B4GALNT3: variants seen among roughly 807,000 people sequenced by gnomAD.
B4GALNT3 encodes beta-1,4-N-acetyl-galactosaminyltransferase 3.
Under a neutral mutation model 120.2 loss-of-function variants are expected in B4GALNT3, and 86 were observed. That is an observed-to-expected ratio of 0.72 (90% confidence interval 0.60 to 0.86). The LOEUF is 0.86. Among genes scored for constraint, B4GALNT3 ranks in the 40% least tolerant of loss-of-function variants. The pLI, the probability that B4GALNT3 is intolerant of heterozygous loss-of-function variation, is 0.00. For synonymous variants in B4GALNT3, 518 were observed against 510.4 expected (o/e 1.01, Z -0.20); for missense variants, 1,167 against 1,298.9 (o/e 0.90, Z 1.56).
At chr12:525,027 C>G (rs532963008) in intron 1 of B4GALNT3, among the ~76,000 whole-genome samples, 4 of 152,308 alleles carry the variant, frequency 2.6e-5, no homozygotes, top group Non-Finnish European at 5.9e-5. Flanking sequence ...CCACCCAGGT[C>G]CCTTTTGACA....
chr12:534,056 C>T (rs1946834565), intron 1 of B4GALNT3, among the ~76,000 whole-genome samples: 3 of 152,176 alleles, frequency 2.0e-5, no homozygotes, highest in African/African-American at 7.2e-5. Flanking sequence ...AGGCTAATTC[C>T]GTCTAAGCAG....
chr12:515,615 C>G (rs540187262), intron 1 of B4GALNT3, among the ~76,000 whole-genome samples: 3 of 151,996 alleles, frequency 2.0e-5, no homozygotes, highest in Admixed American at 6.6e-5. Context: ...TCGTATTTAT[C>G]GAATATTTAC....
chr12:483,238 A>G (rs1411152366), intron 1 of B4GALNT3, among the ~76,000 whole-genome samples: 1 of 152,218 alleles, frequency 6.6e-6, no homozygotes, highest in Non-Finnish European at 1.5e-5. Flanking sequence ...ACCATCCTAT[A>G]TATTCCTTTA....
chr12:511,915 T>TCTTCCACCTTCCACCTTCCAC (rs1174200582), intron 1 of B4GALNT3, among the ~76,000 whole-genome samples: 1 of 93,862 alleles, frequency 1.1e-5, no homozygotes, highest in African/African-American at 4.7e-5. Context: ...CCTTCGACCT[T>TCTTCCACCTTCCACCTTCCAC]CTTCCACCTT....
intron 1 of B4GALNT3, among the ~76,000 whole-genome samples, chr12:466,938 G>A (rs926039476): frequency 3.9e-5 from 6 of 151,928 alleles, no homozygotes; most frequent in African/African-American, 1.5e-4. Context: ...CCTGTGTTGG[G>A]AGCACCACGA....
chr12:552,033 T>G (rs1565610193), intron 11 of B4GALNT3, 30 bp from the exon 12 acceptor site: 1 of 1,497,432 alleles, frequency 6.7e-7, no homozygotes. Flanking sequence ...CTCACTCTCT[T>G]ACTCCTGCTG....
At chr12:510,603 C>T (rs368360187) in intron 1 of B4GALNT3, among the ~76,000 whole-genome samples, 11 of 130,596 alleles carry the variant, frequency 8.4e-5, no homozygotes, top group Admixed American at 7.3e-4. Context: ...AATAAGTAAA[C>T]GGTCTGGGTA....
In B4GALNT3 at chr12:460,502, A is replaced by G; in HGVS notation, c.126A>G (p.Glu42=). The G allele has an allele frequency of 6.3e-7, 1 of 1,583,248 alleles. No individual in the cohort carries two copies. The highest frequency in any genetic ancestry group is 1.1e-5 in the South Asian group (1 of 87,076). The change falls in exon 1 of 20, where the codon GAA becomes GAG. Residue 42 remains glutamate (E), a synonymous_variant. Transcript: ENST00000266383. The surrounding 1 kb of genome is among the most constrained non-coding windows in gnomAD (Gnocchi z 8.0). ...TGGGGCTCTGGACTCTGTATCTGGA[A>G]CTGGTGGCGTCGGCCCAGGTCGGCG... ...VSVGLWTLYL[E]LVASAQVGGN... is the part of the protein sequence containing the mutation.
intron 1 of B4GALNT3, among the ~76,000 whole-genome samples, chr12:501,509 A>G (rs372773074): frequency 5.6e-4 from 85 of 152,254 alleles, no homozygotes; most frequent in Admixed American, 1.8e-3. Context: ...TGAGCCCAGG[A>G]GTTCGAGGCT....
At chr12:523,934 G>A (rs1357188842) in intron 1 of B4GALNT3, among the ~76,000 whole-genome samples, 4 of 152,132 alleles carry the variant, frequency 2.6e-5, no homozygotes, top group East Asian at 1.9e-4. Context: ...GGTGGCAGGC[G>A]CCTGTAATCC....
chr12:504,855 CT>C (rs1009485751), intron 1 of B4GALNT3, among the ~76,000 whole-genome samples: 2 of 151,922 alleles, frequency 1.3e-5, no homozygotes, highest in Non-Finnish European at 2.9e-5. Flanking sequence ...CACAAAAACC[CT>C]TGTGTGAAAA....
intron 1 of B4GALNT3, among the ~76,000 whole-genome samples, chr12:506,220 T>G (rs4980927): frequency 0.11 from 16,506 of 152,164 alleles, 1,627 homozygotes; most frequent in South Asian, 0.31. Flanking sequence ...GTGTGTTTAT[T>G]ATCAAATCAT....
In B4GALNT3 at chr12:500,519, G is replaced by T. The variant is rs936158561; in HGVS notation, c.170-34647G>T. On this transcript the variant is annotated intron_variant, in intron 1 of 19. Transcript: ENST00000266383. ...AGGTGGTGGGAGCCAGGATAACTGA[G>T]CTGGGCAGAATGATGCAGTGGGCAG... is the stretch of plus-strand genomic sequence containing the variant. Among the ~76,000 whole-genome samples, 5 of 152,316 alleles carry T rather than the reference G, an allele frequency of 3.3e-5. 1 individual carries two copies. The highest frequency in any genetic ancestry group is 3.3e-4 in the Admixed American group (5 of 15,302).
chr12:484,012 A>G (rs753427455), intron 1 of B4GALNT3, among the ~76,000 whole-genome samples: 20 of 152,222 alleles, frequency 1.3e-4, no homozygotes, highest in Non-Finnish European at 1.2e-4. Context: ...AAGTGGAACT[A>G]ACTTTACTTG....
chr12:547,984 T>G, intron 7 of B4GALNT3, 40 bp from the exon 8 acceptor site: 18 of 1,571,716 alleles, frequency 1.1e-5, no homozygotes, highest in Non-Finnish European at 1.6e-5. Flanking sequence ...CCAGGGCCCA[T>G]GGAGATGGCG....
chr12:535,088 T>C, intron 1 of B4GALNT3, 78 bp from the exon 2 acceptor site: 5 of 1,248,840 alleles, frequency 4.0e-6, no homozygotes, highest in Non-Finnish European at 4.5e-6. Context: ...GTTCCCTCCA[T>C]TAACCTCCCA....
At chr12:512,421 TCCG>T (rs1946593585) in intron 1 of B4GALNT3, among the ~76,000 whole-genome samples, 1 of 136,972 alleles carries the variant, frequency 7.3e-6, no homozygotes, top group African/African-American at 2.9e-5. Flanking sequence ...CCTTCCGCCT[TCCG>T]CCTTCCGCCT....
At chr12:535,078 G>A (rs1565605012) in intron 1 of B4GALNT3, 88 bp from the exon 2 acceptor site, 4 of 1,095,648 alleles carry the variant, frequency 3.7e-6, no homozygotes, top group Non-Finnish European at 5.3e-6. Flanking sequence ...AGGGAAGACG[G>A]TTCCCTCCAT....
Position 460,583 on chromosome 12 carries a change from GGGCGGCGGCGGC to G in B4GALNT3, c.169+42_169+53del, listed in dbSNP as rs765893277. On this transcript the variant is annotated intron_variant, in intron 1 of 19. Transcript: ENST00000266383. The surrounding 1 kb of genome is among the most constrained non-coding windows in gnomAD (Gnocchi z 8.0). ...CAGGGGAGGCGAAGGGCGCGGGGGTGGGCGGCGGCGGCGGCTCCTGCGTTGGGGGGACCCGCC... is the reference window on the plus strand; with the variant it reads ...CAGGGGAGGCGAAGGGCGCGGGGGTGGGCTCCTGCGTTGGGGGGACCCGCC... The G allele has an allele frequency of 1.0e-5, 14 of 1,337,270 alleles. No homozygotes were observed. Among genetic ancestry groups the G allele is most frequent in the Non-Finnish European group, 1.4e-5 (14 of 1,033,206 alleles). The allele number at this position is 1,337,270 out of a possible 1,614,324, so 82.8% of individuals were successfully genotyped here. A position where few individuals can be genotyped will look rare whatever the true frequency, so the allele number is the denominator to read the frequency against.
Sources: allele counts gnomAD v4.1 joint callset (sites outside exome capture counted in the v4.1 genomes callset), GRCh38; gene constraint gnomAD v4.1.1; non-coding constraint Gnocchi (gnomAD v3.1); transcripts MANE v1.5; gene names NCBI Gene and HGNC (gene_info 2026-07-23, HGNC 2026-07-21).